RBFOX1: variants seen among roughly 807,000 people sequenced by gnomAD.
RBFOX1 encodes the protein RNA binding protein fox-1 homolog 1.
Under a neutral mutation model 57.7 loss-of-function variants are expected in RBFOX1, and 8 were observed. The observed-to-expected ratio is 0.14, with a 90% CI of 0.08 to 0.25. The LOEUF is 0.25. RBFOX1 is among the 10% of genes least tolerant of loss of function. The pLI, the probability that RBFOX1 is intolerant of heterozygous loss-of-function variation, is 1.00. For synonymous variants in RBFOX1, 326 were observed against 222.4 expected (o/e 1.47, Z -4.15); for missense variants, 611 against 548.5 (o/e 1.11, Z -1.14).
chr16:6,617,608 AT>A (rs1344515926), intron 2 of RBFOX1, among the ~76,000 whole-genome samples: 2 of 152,104 alleles, frequency 1.3e-5, no homozygotes, highest in Middle Eastern at 3.4e-3. Context: ...GGTTCCAAAG[AT>A]TTACTAAATG....
At chr16:7,213,085 A>T (rs965024501) in intron 4 of RBFOX1, among the ~76,000 whole-genome samples, 1 of 152,188 alleles carries the variant, frequency 6.6e-6, no homozygotes, top group Admixed American at 6.5e-5. Context: ...GGTTGCCAAG[A>T]CTTTACTGCT....
chr16:6,047,863 T>C (rs2095511864), intron 1 of RBFOX1, among the ~76,000 whole-genome samples: 1 of 152,110 alleles, frequency 6.6e-6, no homozygotes, highest in South Asian at 2.1e-4. Context: ...AAAATAAGTG[T>C]TTAGAGAGAT....
chr16:6,211,379 C>A, intron 1 of RBFOX1, among the ~76,000 whole-genome samples: 1 of 151,960 alleles, frequency 6.6e-6, no homozygotes, highest in East Asian at 1.9e-4. Context: ...CAGGTGCCCA[C>A]CACCACACCC....
At chr16:6,306,635 A>G (rs868389211) in intron 1 of RBFOX1, among the ~76,000 whole-genome samples, 5 of 152,186 alleles carry the variant, frequency 3.3e-5, no homozygotes, top group African/African-American at 1.2e-4. Context: ...TGGTCAGAAG[A>G]ACTCACTGGC....
intron 4 of RBFOX1, among the ~76,000 whole-genome samples, chr16:7,277,948 CA>C (rs36027319): frequency 0.6 from 80,983 of 134,328 alleles, 23,463 homozygotes; most frequent in East Asian, 0.8. Context: ...AAATGATTAG[CA>C]AAAAAAAAAA....
chr16:6,904,595 T>C (rs1201468992), intron 3 of RBFOX1, among the ~76,000 whole-genome samples: 5 of 78,846 alleles, frequency 6.3e-5, no homozygotes, highest in Admixed American at 4.2e-4. Flanking sequence ...AGTGAGACTC[T>C]CTCTAAAAAA....
chr16:5,428,864 C>CT (rs1015172799), intron 1 of RBFOX1, among the ~76,000 whole-genome samples: 12 of 152,254 alleles, frequency 7.9e-5, no homozygotes, highest in Non-Finnish European at 7.4e-5. Context: ...ATATGGAAGC[C>CT]TTTTTTTCCA....
intron 1 of RBFOX1, among the ~76,000 whole-genome samples, chr16:5,257,433 A>T (rs1409202756): frequency 6.6e-6 from 1 of 152,128 alleles, no homozygotes; most frequent in Non-Finnish European, 1.5e-5. Context: ...GTGCAGGAGG[A>T]ATCCCAGCAT....
Position 7,310,363 on chromosome 16 carries a change from T to C in RBFOX1, c.28-207784T>C, listed in dbSNP as rs117219633. Among the ~76,000 whole-genome samples, 532 of 152,348 alleles carry C rather than the reference T, an allele frequency of 3.5e-3. 4 individuals are homozygous for C. Among genetic ancestry groups the C allele is most frequent in the Non-Finnish European group, 6.2e-3 (422 of 68,026 alleles). On this transcript the variant is annotated intron_variant, in intron 4 of 15. Coordinates refer to ENST00000550418, the MANE Select transcript of RBFOX1 (RefSeq NM_018723.4). ...GTTGTTTCTGATCTTCCTGTCATGC[T>C]ATAGCCCTGATGGATTGATCCCGGC...
At chr16:7,683,813 A>C (rs1244264822) in intron 14 of RBFOX1, among the ~76,000 whole-genome samples, 2 of 150,650 alleles carry the variant, frequency 1.3e-5, no homozygotes, top group Non-Finnish European at 3.0e-5. Flanking sequence ...ATACGTGCAA[A>C]GCCCTATGAA....
chr16:5,267,961 C>T (rs570913275), intron 1 of RBFOX1, among the ~76,000 whole-genome samples: 1 of 152,232 alleles, frequency 6.6e-6, no homozygotes, highest in East Asian at 1.9e-4. Context: ...CACATGTAGT[C>T]CCAGCTACTT....
chr16:6,680,137 C>T (rs1178983427), intron 3 of RBFOX1, among the ~76,000 whole-genome samples: 3 of 151,920 alleles, frequency 2.0e-5, no homozygotes, highest in Non-Finnish European at 4.4e-5. Flanking sequence ...GAAGGACTAC[C>T]ACATAGGGTT....
intron 2 of RBFOX1, among the ~76,000 whole-genome samples, chr16:6,469,893 A>G (rs2095135790): frequency 6.6e-6 from 1 of 152,166 alleles, no homozygotes; most frequent in South Asian, 2.1e-4. Context: ...ACAATCCTAT[A>G]TTGTATTTCA....
Position 7,506,962 on chromosome 16 carries a change from T to C in RBFOX1, c.28-11185T>C, listed in dbSNP as rs879408268. Among the ~76,000 whole-genome samples the C allele has an allele frequency of 3.3e-5, 5 of 152,336 alleles. No homozygotes were observed. In the East Asian group the frequency reaches 7.7e-4, roughly 23 times the overall value. ...TGGGACATATGTGCATACAGGACTTTCTAGATTATAAAATACATTCCAGTA... is the reference window on the plus strand; with the variant it reads ...TGGGACATATGTGCATACAGGACTTCCTAGATTATAAAATACATTCCAGTA... On this transcript the variant is annotated intron_variant, in intron 4 of 15. Coordinates refer to ENST00000550418, the MANE Select transcript of RBFOX1 (RefSeq NM_018723.4).
intron 2 of RBFOX1, among the ~76,000 whole-genome samples, chr16:5,575,035 G>A (rs754130261): frequency 9.9e-5 from 15 of 152,160 alleles, no homozygotes; most frequent in Non-Finnish European, 2.1e-4. Context: ...ACAACTTTGT[G>A]ATAATCAGGG....
intron 4 of RBFOX1, among the ~76,000 whole-genome samples, chr16:7,514,871 G>A (rs965288597): frequency 5.3e-5 from 8 of 152,198 alleles, no homozygotes; most frequent in Non-Finnish European, 8.8e-5. Flanking sequence ...GCTCTGCACT[G>A]ATGAAAAGCC....
intron 3 of RBFOX1, among the ~76,000 whole-genome samples, chr16:7,035,155 C>G (rs2044016306): frequency 6.6e-6 from 1 of 151,980 alleles, no homozygotes; most frequent in African/African-American, 2.4e-5. Context: ...GCCTCTGAGA[C>G]AGTGCATTTG....
At chr16:6,919,550 T>G (rs2073996399) in intron 3 of RBFOX1, among the ~76,000 whole-genome samples, 1 of 152,112 alleles carries the variant, frequency 6.6e-6, no homozygotes, top group Non-Finnish European at 1.5e-5. Context: ...ACCTACTCTC[T>G]TAGACATTTC....
At chr16:5,441,169 A>G (rs568419714) in intron 1 of RBFOX1, among the ~76,000 whole-genome samples, 2 of 152,162 alleles carry the variant, frequency 1.3e-5, no homozygotes, top group Admixed American at 6.5e-5. Flanking sequence ...TAGTTGAAAG[A>G]TATGCATAAT....
Sources: gnomAD v4.1 joint callset for allele counts (sites outside exome capture counted in the v4.1 genomes callset) on GRCh38, gnomAD v4.1.1 for gene constraint, MANE v1.5 for transcripts, NCBI Gene and HGNC (gene_info 2026-07-23, HGNC 2026-07-21) for gene names.